MTMR1: variants seen among roughly 807,000 people sequenced by gnomAD.
MTMR1 encodes phosphatidylinositol-3-phosphate phosphatase MTMR1.
In MTMR1, 17 loss-of-function variants were observed where a neutral mutation model predicts 51.6. That is an observed-to-expected ratio of 0.33 (90% CI 0.23 to 0.49). MTMR1 has a LOEUF of 0.49. MTMR1 is among the 20% of genes least tolerant of loss of function. The pLI is 0.99. For missense variants in MTMR1, 386 were observed against 526.9 expected (o/e 0.73, Z 2.62); for synonymous variants, 201 against 205.6 (o/e 0.98, Z 0.19).
At chrX:150,758,293 G>T (rs782096243) in intron 15 of MTMR1, among the ~76,000 whole-genome samples, 1 of 110,700 alleles carries the variant, frequency 9.0e-6, no homozygotes, top group Non-Finnish European at 1.9e-5. Flanking sequence ...GGGATATTGG[G>T]ACAGCTTTCT....
intron 6 of MTMR1, among the ~76,000 whole-genome samples, chrX:150,728,434 G>A (rs1162454206): frequency 8.9e-6 from 1 of 111,875 alleles, no homozygotes; most frequent in Non-Finnish European, 1.9e-5. Flanking sequence ...TCCCCAGTTT[G>A]TTGTTTTAAG....
chrX:150,724,906 C>T (rs1465160618), intron 4 of MTMR1, among the ~76,000 whole-genome samples: 1 of 111,721 alleles, frequency 9.0e-6, no homozygotes, highest in East Asian at 2.8e-4. Flanking sequence ...ACCCTTATTT[C>T]TGGGCGCTCT....
At chrX:150,698,532 T>C (rs1241398718) in intron 1 of MTMR1, among the ~76,000 whole-genome samples, 1 of 111,109 alleles carries the variant, frequency 9.0e-6, no homozygotes, top group African/African-American at 3.3e-5. Context: ...TGCTGTAAGA[T>C]AAATATTTCA....
intron 10 of MTMR1, among the ~76,000 whole-genome samples, 178 bp downstream of exon 10, chrX:150,732,908 G>T (rs1451525552): frequency 3.6e-5 from 4 of 112,118 alleles, no homozygotes; most frequent in Non-Finnish European, 7.5e-5. Flanking sequence ...TCTCACATGG[G>T]TTGGGATCTT....
intron 2 of MTMR1, among the ~76,000 whole-genome samples, chrX:150,705,837 G>A (rs1310840541): frequency 8.9e-6 from 1 of 111,734 alleles, no homozygotes; most frequent in Non-Finnish European, 1.9e-5. Flanking sequence ...CAGGATACAA[G>A]ACAATATAGA....
In MTMR1 at chrX:150,718,605, T is replaced by TGCCAGGC; in HGVS notation, c.277-20_277-19insGCCAGGC. ...TGTCCTTTTTTTTTTTTTTTTTTTTTTTTTTTTTTTTTTTGCCAGGCTCTA... is the reference window on the plus strand; with the variant it reads ...TGTCCTTTTTTTTTTTTTTTTTTTTTGCCAGGCTTTTTTTTTTTTTTGCCAGGCTCTA... On this transcript the variant is annotated intron_variant, in intron 3 of 15. Transcript: ENST00000445323. The TGCCAGGC allele has an allele frequency of 2.0e-6, 2 of 991,077 alleles. No homozygotes were observed. The highest frequency in any genetic ancestry group is 2.5e-6 in the Non-Finnish European group (2 of 787,568). 81.7% of individuals were successfully genotyped at this position (991,077 alleles called of 1,213,427 possible).
intron 15 of MTMR1, among the ~76,000 whole-genome samples, chrX:150,761,789 C>T (rs1312833420): frequency 8.9e-6 from 1 of 112,709 alleles, no homozygotes; most frequent in Non-Finnish European, 1.9e-5. Context: ...GTCTGGCCTC[C>T]TAGTAGCTGC....
At chrX:150,707,152 C>T (rs2041138908) in intron 2 of MTMR1, among the ~76,000 whole-genome samples, 1 of 111,515 alleles carries the variant, frequency 9.0e-6, no homozygotes, top group South Asian at 3.7e-4. Context: ...AAAACTTTTA[C>T]AGAAAAAAGA....
intron 13 of MTMR1, among the ~76,000 whole-genome samples, chrX:150,748,473 G>A (rs1557417511): frequency 9.0e-6 from 1 of 110,554 alleles, no homozygotes; most frequent in East Asian, 2.8e-4. Context: ...TAACTAAGCA[G>A]CATAGAGAAG....
At chrX:150,762,532 C>A in intron 15 of MTMR1, 33 bp from the exon 16 acceptor site, 1 of 1,209,979 alleles carries the variant, frequency 8.3e-7, no homozygotes, top group South Asian at 1.8e-5. Context: ...GGAGGATGGC[C>A]TGATAATGCA....
intron 4 of MTMR1, 91 bp downstream of exon 4, chrX:150,718,791 C>A: frequency 1.1e-6 from 1 of 880,873 alleles, no homozygotes; most frequent in African/African-American, 2.0e-5. Flanking sequence ...TGCTGGAGAT[C>A]CGCCAGACCA....
intron 15 of MTMR1, among the ~76,000 whole-genome samples, chrX:150,757,879 A>G (rs2042950291): frequency 9.0e-6 from 1 of 110,714 alleles, no homozygotes; most frequent in Non-Finnish European, 1.9e-5. Context: ...TGCCCAAACT[A>G]GCGTACTTTG....
At chrX:150,727,898 A>G (rs1410057999) in intron 6 of MTMR1, 107 bp downstream of exon 6, 9 of 442,788 alleles carry the variant, frequency 2.0e-5, no homozygotes. Context: ...TTGTACTGCT[A>G]GTAACTCAAA....
intron 12 of MTMR1, among the ~76,000 whole-genome samples, chrX:150,740,866 G>A (rs946771548): frequency 4.7e-4 from 52 of 109,786 alleles, no homozygotes; most frequent in African/African-American, 1.7e-3. Context: ...GGGAGAGGGT[G>A]CCAGGCCCTT....
chrX:150,693,893 A>G (rs1311278346), intron 1 of MTMR1, among the ~76,000 whole-genome samples: 2 of 102,476 alleles, frequency 2.0e-5, no homozygotes, highest in Non-Finnish European at 4.0e-5. Flanking sequence ...CGGGCCGCGC[A>G]CCTGGCTCAC....
At chrX:150,715,185 A>C (rs2041460251) in intron 3 of MTMR1, among the ~76,000 whole-genome samples, 1 of 112,001 alleles carries the variant, frequency 8.9e-6, no homozygotes, top group Non-Finnish European at 1.9e-5. Context: ...AGCAACTTGA[A>C]GAGCCCAGTT....
At position 150,702,088 on chromosome X, in the gene MTMR1, C is replaced by CTT. The variant is rs34358686; in HGVS notation, c.252+2801_252+2802dup. Among the ~76,000 whole-genome samples the CTT allele has an allele frequency of 2.7e-3, 257 of 94,877 alleles. 1 individual carries two copies. Among genetic ancestry groups the CTT allele is most frequent in the African/African-American group, 7.0e-3 (183 of 26,195 alleles). 82.4% of individuals were successfully genotyped at this position (94,877 alleles called of 115,157 possible). On this transcript the variant is annotated intron_variant, in intron 2 of 15. Coordinates refer to ENST00000445323, the MANE Select transcript of MTMR1 (RefSeq NM_001306144.3). Reference sequence around the variant, plus strand: ...TTCTTTTTCTTCTTCTTCTTTCTTTCTTTTTTTTTTTTTTATAGAGATGGG... The same window carrying CTT: ...TTCTTTTTCTTCTTCTTCTTTCTTTCTTTTTTTTTTTTTTTTATAGAGATGGG...
chrX:150,718,620 GCCAGGCTCT>G lies in MTMR1; in HGVS notation c.277-4_281del. 1 of 287,229 alleles carries G rather than the reference GCCAGGCTCT, an allele frequency of 3.5e-6. No individual in the cohort carries two copies. Among genetic ancestry groups the G allele is most frequent in the Non-Finnish European group, 5.3e-6 (1 of 190,016 alleles). The allele number at this position is 287,229 out of a possible 1,213,427, so 23.7% of individuals were successfully genotyped here. On this transcript the variant is annotated splice_acceptor_variant and splice_polypyrimidine_tract_variant and coding_sequence_variant and intron_variant, in exon 4 of 16. Coordinates refer to ENST00000445323, the MANE Select transcript of MTMR1 (RefSeq NM_001306144.3). LOFTEE classifies it high-confidence loss of function. ...TTTTTTTTTTTTTTTTTTTTTTTTT[GCCAGGCTCT>G]AAGGGATGGAAATAAGCTGGCACAG...
At chrX:150,726,260 G>A (rs1405924587) in intron 4 of MTMR1, among the ~76,000 whole-genome samples, 2 of 111,595 alleles carry the variant, frequency 1.8e-5, no homozygotes, top group African/African-American at 6.5e-5. Flanking sequence ...GATAATCTGA[G>A]GTGAAACAGT....
Sources: gnomAD v4.1 joint callset for allele counts (sites outside exome capture counted in the v4.1 genomes callset) on GRCh38, gnomAD v4.1.1 for gene constraint, MANE v1.5 for transcripts, NCBI Gene and HGNC (gene_info 2026-07-23, HGNC 2026-07-21) for gene names.